Variants in MACROD2 observed in about 807,000 individuals in gnomAD.
The protein encoded by MACROD2 is mono-ADP ribosylhydrolase 2.
In MACROD2, 36 loss-of-function variants were observed where a neutral mutation model predicts 70.4. That is an observed-to-expected ratio of 0.51 (90% CI 0.39 to 0.68). The LOEUF is 0.68. Ranked by LOEUF, MACROD2 falls within the 30% of genes least tolerant of loss-of-function variation. The pLI is 0.00. For missense variants in MACROD2, 496 were observed against 538.4 expected (o/e 0.92, Z 0.78); for synonymous variants, 172 against 178.8 (o/e 0.96, Z 0.30).
At chr20:14,057,524 C>T (rs942093859) in intron 2 of MACROD2, among the ~76,000 whole-genome samples, 28 of 152,078 alleles carry the variant, frequency 1.8e-4, no homozygotes, top group African/African-American at 1.4e-4. Flanking sequence ...TTAGAAAGAT[C>T]GACAGTACCA....
intron 3 of MACROD2, among the ~76,000 whole-genome samples, chr20:14,451,646 G>A (rs1031923466): frequency 3.9e-5 from 6 of 152,128 alleles, no homozygotes; most frequent in East Asian, 1.9e-4. Context: ...TAGACTCAGC[G>A]GCAGGCCTAG....
intron 6 of MACROD2, among the ~76,000 whole-genome samples, chr20:15,387,180 A>G (rs1234191912): frequency 6.6e-6 from 1 of 152,218 alleles, no homozygotes; most frequent in Non-Finnish European, 1.5e-5. Context: ...ATCTCATAAA[A>G]AGGTTATTTA....
chr20:15,208,947 C>T (rs1004136264), intron 5 of MACROD2, among the ~76,000 whole-genome samples: 1 of 152,096 alleles, frequency 6.6e-6, no homozygotes, highest in African/African-American at 2.4e-5. Flanking sequence ...TGCCTCGGTA[C>T]AGTGAGGTGC....
chr20:14,771,250 C>G (rs1172422773), intron 5 of MACROD2, among the ~76,000 whole-genome samples: 1 of 152,026 alleles, frequency 6.6e-6, no homozygotes, highest in African/African-American at 2.4e-5. Context: ...CTTCCTGGGT[C>G]TCTAGTTTGT....
intron 6 of MACROD2, among the ~76,000 whole-genome samples, chr20:15,418,557 T>C (rs946989823): frequency 1.3e-5 from 2 of 152,186 alleles, no homozygotes; most frequent in African/African-American, 4.8e-5. Flanking sequence ...TTGGTGTGAA[T>C]AGATTTTCTT....
intron 3 of MACROD2, chr20:14,327,400 C>T (rs965846580): frequency 6.2e-7 from 1 of 1,613,588 alleles, no homozygotes; most frequent in Non-Finnish European, 8.5e-7. Flanking sequence ...CGCATCGCAG[C>T]GACACACAGA....
chr20:15,981,965 A>T (rs921838358), intron 13 of MACROD2, among the ~76,000 whole-genome samples: 6 of 151,914 alleles, frequency 3.9e-5, no homozygotes, highest in Admixed American at 1.3e-4. Flanking sequence ...ATGATTCTTG[A>T]CAGACATACT....
At chr20:15,102,800 A>G (rs1189728419) in intron 5 of MACROD2, among the ~76,000 whole-genome samples, 1 of 152,054 alleles carries the variant, frequency 6.6e-6, no homozygotes, top group Non-Finnish European at 1.5e-5. Flanking sequence ...ATGTGGCAGG[A>G]GAAAGGATGA....
chr20:14,045,096 C>T (rs1030552716), intron 2 of MACROD2, among the ~76,000 whole-genome samples: 4 of 152,248 alleles, frequency 2.6e-5, no homozygotes, highest in African/African-American at 4.8e-5. Context: ...CCGAGGAGCC[C>T]ACGCCCACCT....
intron 5 of MACROD2, among the ~76,000 whole-genome samples, chr20:14,759,560 T>C (rs2080348243): frequency 6.6e-6 from 1 of 152,146 alleles, no homozygotes; most frequent in South Asian, 2.1e-4. Flanking sequence ...AAATGACAGC[T>C]AGGTTAGCCC....
intron 8 of MACROD2, among the ~76,000 whole-genome samples, chr20:15,541,086 C>T (rs369585169): frequency 2.7e-4 from 41 of 152,178 alleles, no homozygotes; most frequent in African/African-American, 7.7e-4. Flanking sequence ...GGGTACTACT[C>T]GTGGAAACAG....
intron 8 of MACROD2, among the ~76,000 whole-genome samples, chr20:15,617,550 A>G (rs1012566864): frequency 2.0e-5 from 3 of 152,260 alleles, no homozygotes; most frequent in African/African-American, 7.2e-5. Flanking sequence ...ATGTGTTTAT[A>G]CAGACAGGTG....
intron 6 of MACROD2, among the ~76,000 whole-genome samples, chr20:15,380,071 C>CTTCCTGTAAATCAGGTCTCAGCTTGA (rs1361912620): frequency 6.6e-6 from 1 of 152,086 alleles, no homozygotes; most frequent in Non-Finnish European, 1.5e-5. Flanking sequence ...TAATTGGCTC[C>CTTCCTGTAAATCAGGTCTCAGCTTGA]TTCCTGTAAA....
At chr20:14,871,358 G>A (rs1264227654) in intron 5 of MACROD2, among the ~76,000 whole-genome samples, 1 of 152,062 alleles carries the variant, frequency 6.6e-6, no homozygotes, top group Non-Finnish European at 1.5e-5. Context: ...GAGATTGAGG[G>A]CCAATATTTA....
At chr20:15,272,508 T>C (rs1035798201) in intron 6 of MACROD2, among the ~76,000 whole-genome samples, 5 of 152,246 alleles carry the variant, frequency 3.3e-5, no homozygotes, top group African/African-American at 4.8e-5. Context: ...TAAACTGTTT[T>C]CAGAACTGTC....
intron 5 of MACROD2, among the ~76,000 whole-genome samples, chr20:15,086,575 CA>C (rs1453419988): frequency 6.6e-6 from 1 of 152,128 alleles, no homozygotes; most frequent in African/African-American, 2.4e-5. Context: ...CCAGCTAATC[CA>C]GTGATCATCA....
intron 3 of MACROD2, among the ~76,000 whole-genome samples, chr20:14,154,982 C>T (rs2055079518): frequency 6.6e-6 from 1 of 152,194 alleles, no homozygotes; most frequent in Non-Finnish European, 1.5e-5. Flanking sequence ...CTTTGCATCT[C>T]ACCAGCACTC....
At chr20:14,289,876 G>A (rs2122441340) in intron 3 of MACROD2, among the ~76,000 whole-genome samples, 1 of 152,226 alleles carries the variant, frequency 6.6e-6, no homozygotes, top group Admixed American at 6.5e-5. Context: ...TGATTACAGG[G>A]TTTTAAAATA....
intron 5 of MACROD2, among the ~76,000 whole-genome samples, chr20:14,852,968 C>G (rs1420056373): frequency 6.6e-6 from 1 of 152,050 alleles, no homozygotes; most frequent in Non-Finnish European, 1.5e-5. Context: ...AAGCAAGAAG[C>G]AAAAGTAGCC....
Sources: allele counts gnomAD v4.1 joint callset (sites outside exome capture counted in the v4.1 genomes callset), GRCh38; gene constraint gnomAD v4.1.1; transcripts MANE v1.5; gene names NCBI Gene and HGNC (gene_info 2026-07-23, HGNC 2026-07-21).